PDZRN4: variants seen among roughly 807,000 people sequenced by gnomAD.
PDZRN4 encodes the protein PDZ domain-containing RING finger protein 4.
Under a neutral mutation model 99.0 loss-of-function variants are expected in PDZRN4, and 70 were observed. The ratio of observed to expected loss-of-function variants is 0.71; its 90% CI spans 0.58 to 0.86. PDZRN4 has a LOEUF of 0.86. Among genes scored for constraint, PDZRN4 ranks in the 40% least tolerant of loss-of-function variants. The pLI, the probability that PDZRN4 is intolerant of heterozygous loss-of-function variation, is 0.00. For synonymous variants in PDZRN4, 551 were observed against 501.6 expected (o/e 1.10, Z -1.32); for missense variants, 1,474 against 1,331.2 (o/e 1.11, Z -1.67).
intron 3 of PDZRN4, chr12:41,478,067 T>C (rs1404914382): frequency 1.6e-6 from 1 of 618,742 alleles, no homozygotes; most frequent in African/African-American, 1.8e-5. Flanking sequence ...ATATATTTTA[T>C]CTCATAGGTA....
At chr12:41,393,884 G>A (rs1952227354) in intron 3 of PDZRN4, among the ~76,000 whole-genome samples, 1 of 152,194 alleles carries the variant, frequency 6.6e-6, no homozygotes. Flanking sequence ...AGAACACCTG[G>A]TTGTTAGGTA....
At chr12:41,467,573 G>T (rs1487759142) in intron 3 of PDZRN4, among the ~76,000 whole-genome samples, 1 of 152,170 alleles carries the variant, frequency 6.6e-6, no homozygotes, top group Non-Finnish European at 1.5e-5. Flanking sequence ...GCAATTGGTT[G>T]TATCTGTCAC....
chr12:41,376,329 T>A (rs1006872344), intron 3 of PDZRN4, among the ~76,000 whole-genome samples: 16 of 152,212 alleles, frequency 1.1e-4, no homozygotes, highest in Non-Finnish European at 2.1e-4. Context: ...TTGTACCAAT[T>A]TTTATTCCCA....
intron 3 of PDZRN4, among the ~76,000 whole-genome samples, chr12:41,266,915 T>G (rs1951281126): frequency 6.6e-6 from 1 of 152,242 alleles, no homozygotes; most frequent in Non-Finnish European, 1.5e-5. Flanking sequence ...TTTCCAATTT[T>G]TTCACAGATT....
At chr12:41,267,754 T>C (rs1190290509) in intron 3 of PDZRN4, among the ~76,000 whole-genome samples, 1 of 151,956 alleles carries the variant, frequency 6.6e-6, no homozygotes, top group African/African-American at 2.4e-5. Flanking sequence ...GGTAGGAGAA[T>C]TGCGTGAACC....
Position 41,530,179 on chromosome 12 carries a change from C to T in PDZRN4, c.1203+20266C>T, listed in dbSNP as rs541529059. Among the ~76,000 whole-genome samples, 8 of 152,298 alleles carry T rather than the reference C, an allele frequency of 5.3e-5. No homozygotes were observed. In the South Asian group the frequency reaches 1.2e-3, roughly 24 times the overall value. On this transcript the variant is annotated intron_variant, in intron 5 of 9. Transcript: ENST00000402685. ...CTTTGAACAAAGATTCAGTGAATGC[C>T]GTCTACCCAACGCTCACGTTTAGAA...
chr12:41,286,229 A>C (rs73121001), intron 3 of PDZRN4, among the ~76,000 whole-genome samples: 6,572 of 152,130 alleles, frequency 0.043, 199 homozygotes, highest in Non-Finnish European at 0.062. Context: ...TTTGAAAAAA[A>C]ACAGCAACAT....
At chr12:41,313,705 T>C (rs561094681) in intron 3 of PDZRN4, among the ~76,000 whole-genome samples, 1 of 152,336 alleles carries the variant, frequency 6.6e-6, no homozygotes, top group Non-Finnish European at 1.5e-5. Context: ...TGTGTGAACT[T>C]GTCATAAGTC....
At chr12:41,308,585 A>T (rs1016908982) in intron 3 of PDZRN4, among the ~76,000 whole-genome samples, 4 of 152,206 alleles carry the variant, frequency 2.6e-5, no homozygotes, top group African/African-American at 9.6e-5. Context: ...CACTAGAAAT[A>T]AATCTCATAT....
At chr12:41,489,115 T>A (rs778015917) in intron 3 of PDZRN4, among the ~76,000 whole-genome samples, 1 of 151,948 alleles carries the variant, frequency 6.6e-6, no homozygotes, top group Non-Finnish European at 1.5e-5. Context: ...CATCAGCTAT[T>A]GTTAGTGGTA....
At chr12:41,215,528 T>C (rs1950914528) in intron 3 of PDZRN4, among the ~76,000 whole-genome samples, 4 of 152,154 alleles carry the variant, frequency 2.6e-5, no homozygotes, top group African/African-American at 9.6e-5. Flanking sequence ...TACAATTTTA[T>C]TTTCACTAGT....
At chr12:41,554,935 G>A (rs1023088279) in intron 6 of PDZRN4, among the ~76,000 whole-genome samples, 6 of 151,514 alleles carry the variant, frequency 4.0e-5, no homozygotes, top group Non-Finnish European at 7.4e-5. Flanking sequence ...TGGGCCGGAC[G>A]CGGTGGCTCA....
At chr12:41,568,899 G>A (rs1422314901) in intron 9 of PDZRN4, among the ~76,000 whole-genome samples, 6 of 151,246 alleles carry the variant, frequency 4.0e-5, no homozygotes, top group African/African-American at 1.5e-4. Flanking sequence ...CCGCCTCCCG[G>A]GTTCAATTGA....
intron 3 of PDZRN4, among the ~76,000 whole-genome samples, chr12:41,457,587 T>C (rs1952826826): frequency 6.6e-6 from 1 of 152,230 alleles, no homozygotes. Context: ...GATTATTGTG[T>C]CCATTTGAGT....
At chr12:41,478,098 A>G (rs766728584) in intron 3 of PDZRN4, among the ~76,000 whole-genome samples, 1 of 152,104 alleles carries the variant, frequency 6.6e-6, no homozygotes. Context: ...TATTACACTA[A>G]TAATACATTA....
intron 3 of PDZRN4, among the ~76,000 whole-genome samples, chr12:41,305,034 T>G (rs969719790): frequency 1.3e-5 from 2 of 152,156 alleles, no homozygotes; most frequent in Non-Finnish European, 2.9e-5. Flanking sequence ...CTGGGCCAGT[T>G]TTGGAGTCTG....
chr12:41,286,595 A>G (rs1951424428), intron 3 of PDZRN4, among the ~76,000 whole-genome samples: 1 of 152,120 alleles, frequency 6.6e-6, no homozygotes, highest in South Asian at 2.1e-4. Flanking sequence ...TTTAAATAAC[A>G]TTTCTGGTCC....
intron 3 of PDZRN4, chr12:41,411,781 A>G (rs575618389): frequency 6.6e-6 from 1 of 152,348 alleles, no homozygotes; most frequent in South Asian, 2.1e-4. Context: ...GAGCAGCTAT[A>G]TTCTTCACTC....
intron 3 of PDZRN4, among the ~76,000 whole-genome samples, chr12:41,290,219 C>G (rs1951449138): frequency 6.6e-6 from 1 of 152,108 alleles, no homozygotes; most frequent in South Asian, 2.1e-4. Context: ...ATTGTTTCTA[C>G]TTAGGGAAGA....
Sources: allele counts gnomAD v4.1 joint callset (sites outside exome capture counted in the v4.1 genomes callset), GRCh38; gene constraint gnomAD v4.1.1; transcripts MANE v1.5; gene names NCBI Gene and HGNC (gene_info 2026-07-23, HGNC 2026-07-21).